KAT2B: variants seen among roughly 807,000 people sequenced by gnomAD.
KAT2B encodes the protein lysine acetyltransferase 2B, also known as histone acetyltransferase KAT2B.
KAT2B carries 36 observed loss-of-function variants against 105.9 expected under a neutral mutation model. That is an observed-to-expected ratio of 0.34 (90% CI 0.26 to 0.45). KAT2B has a LOEUF of 0.45. KAT2B is among the 20% of genes least tolerant of loss of function. The pLI is 1.00. For synonymous variants in KAT2B, 397 were observed against 377.9 expected (o/e 1.05, Z -0.59); for missense variants, 820 against 1,021.6 (o/e 0.80, Z 2.69).
At chr3:20,059,900 AC>A (rs958864611) in intron 1 of KAT2B, among the ~76,000 whole-genome samples, 13 of 151,864 alleles carry the variant, frequency 8.6e-5, no homozygotes, top group Non-Finnish European at 4.4e-5. Flanking sequence ...CCCTGTTCCT[AC>A]CCCCCACCCC....
At chr3:20,107,648 C>T (rs1347499669) in intron 5 of KAT2B, among the ~76,000 whole-genome samples, 2 of 126,130 alleles carry the variant, frequency 1.6e-5, no homozygotes, top group Admixed American at 1.7e-4. Context: ...CAGAGCAATA[C>T]TATGTCTCAA....
At chr3:20,104,675 G>A (rs755556318) in intron 5 of KAT2B, among the ~76,000 whole-genome samples, 19 of 152,252 alleles carry the variant, frequency 1.2e-4, no homozygotes, top group South Asian at 2.1e-4. Flanking sequence ...AAGATGTGCC[G>A]AAAATGTTTG....
At chr3:20,061,937 AC>A (rs1698112742) in intron 1 of KAT2B, among the ~76,000 whole-genome samples, 1 of 110,854 alleles carries the variant, frequency 9.0e-6, no homozygotes, top group African/African-American at 4.0e-5. Flanking sequence ...CATATATAAA[AC>A]ATAATATATA....
At chr3:20,120,113 C>T (rs1294372309) in intron 8 of KAT2B, among the ~76,000 whole-genome samples, 1 of 152,116 alleles carries the variant, frequency 6.6e-6, no homozygotes, top group African/African-American at 2.4e-5. Flanking sequence ...TATTGGGCTA[C>T]CCGGAACATG....
At chr3:20,106,259 A>G (rs1205935776) in intron 5 of KAT2B, among the ~76,000 whole-genome samples, 2 of 152,266 alleles carry the variant, frequency 1.3e-5, no homozygotes. Context: ...GACATACAAA[A>G]ATGAACGAAC....
At chr3:20,111,510 A>T in intron 5 of KAT2B, 86 bp from the exon 6 acceptor site, 1 of 1,109,190 alleles carries the variant, frequency 9.0e-7, no homozygotes, top group Non-Finnish European at 1.3e-6. Flanking sequence ...TGCTATAGTT[A>T]ATAGTACGAG....
intron 10 of KAT2B, 48 bp from the exon 11 acceptor site, chr3:20,127,369 GTATATT>G: frequency 2.6e-6 from 4 of 1,517,626 alleles, no homozygotes; most frequent in Admixed American, 1.8e-5. Context: ...ACCCCAAAAA[GTATATT>G]TATATAACTA....
intron 5 of KAT2B, among the ~76,000 whole-genome samples, chr3:20,105,327 A>G (rs1698981005): frequency 6.6e-6 from 1 of 152,252 alleles, no homozygotes; most frequent in Non-Finnish European, 1.5e-5. Context: ...ATGAAGAAAT[A>G]ACCTAAAAAG....
intron 1 of KAT2B, among the ~76,000 whole-genome samples, chr3:20,059,743 T>C (rs1040404462): frequency 1.3e-5 from 2 of 152,154 alleles, no homozygotes; most frequent in African/African-American, 4.8e-5. Context: ...TACTGAGTTA[T>C]GATTTAGGTA....
chr3:20,041,236 G>A (rs962715728), intron 1 of KAT2B, among the ~76,000 whole-genome samples: 11 of 152,072 alleles, frequency 7.2e-5, no homozygotes, highest in Admixed American at 2.0e-4. Flanking sequence ...GCAAGGAGTG[G>A]GGGTGGAGAA....
intron 8 of KAT2B, among the ~76,000 whole-genome samples, chr3:20,122,259 T>C (rs76748926): frequency 0.11 from 16,637 of 152,224 alleles, 1,176 homozygotes; most frequent in Admixed American, 0.16. Flanking sequence ...TTACAAAAGA[T>C]TGGTCTTATT....
intron 17 of KAT2B, among the ~76,000 whole-genome samples, chr3:20,150,666 G>A (rs1426507595): frequency 6.6e-6 from 1 of 152,190 alleles, no homozygotes; most frequent in Non-Finnish European, 1.5e-5. Context: ...AAGGCCAGAG[G>A]AAGAAGAATG....
At chr3:20,138,788 C>A (rs1230060279) in intron 12 of KAT2B, among the ~76,000 whole-genome samples, 2 of 151,930 alleles carry the variant, frequency 1.3e-5, no homozygotes, top group African/African-American at 4.8e-5. Flanking sequence ...CTATATTAAC[C>A]TTGGATAATA....
At chr3:20,136,275 A>G (rs113186683) in intron 11 of KAT2B, among the ~76,000 whole-genome samples, 6 of 152,312 alleles carry the variant, frequency 3.9e-5, no homozygotes, top group African/African-American at 1.4e-4. Flanking sequence ...TTTGTCACTG[A>G]AAAAACTTGA....
intron 1 of KAT2B, among the ~76,000 whole-genome samples, chr3:20,041,428 G>A (rs2125159915): frequency 6.6e-6 from 1 of 152,306 alleles, no homozygotes; most frequent in South Asian, 2.1e-4. Flanking sequence ...TTAAAACGCT[G>A]TCCCAGCTGC....
In KAT2B at chr3:20,104,894, T is replaced by G. The variant is rs995705086; in HGVS notation, c.851+3426T>G. ...TTCTTTTTTTGTTGTTTTTTTGTTT[T>G]TTTTTTTTTTGAGATGGAGTCTCAC... On this transcript the variant is annotated intron_variant, in intron 5 of 17. Transcript: ENST00000263754. Among the ~76,000 whole-genome samples, 60 of 151,634 alleles carry G rather than the reference T, an allele frequency of 4.0e-4. No individual in the cohort carries two copies. The East Asian group carries it at 8.1e-3, about 21-fold the overall frequency.
intron 1 of KAT2B, among the ~76,000 whole-genome samples, chr3:20,041,263 G>A (rs1697714636): frequency 2.6e-5 from 4 of 152,112 alleles, no homozygotes; most frequent in African/African-American, 7.2e-5. Context: ...CGGACTCCTG[G>A]CGCTTTGGGA....
intron 1 of KAT2B, among the ~76,000 whole-genome samples, chr3:20,058,946 A>T (rs896430734): frequency 3.9e-5 from 6 of 152,134 alleles, no homozygotes; most frequent in Non-Finnish European, 7.3e-5. Flanking sequence ...ACACCCACTG[A>T]ATCTTAATCT....
intron 1 of KAT2B, among the ~76,000 whole-genome samples, chr3:20,061,963 TAATA>T (rs1451584062): frequency 5.8e-5 from 6 of 103,874 alleles, no homozygotes; most frequent in Non-Finnish European, 9.0e-5. Flanking sequence ...ATATAAAACA[TAATA>T]TATATTATAT....
Sources: allele counts gnomAD v4.1 joint callset (sites outside exome capture counted in the v4.1 genomes callset), GRCh38; gene constraint gnomAD v4.1.1; transcripts MANE v1.5; gene names NCBI Gene and HGNC (gene_info 2026-07-23, HGNC 2026-07-21).